Variants in PREP observed in about 807,000 individuals in gnomAD.
PREP encodes the protein prolyl endopeptidase.
Under a neutral mutation model 87.6 loss-of-function variants are expected in PREP, and 29 were observed. The ratio of observed to expected loss-of-function variants is 0.33; its 90% confidence interval spans 0.25 to 0.45. The LOEUF is 0.45. PREP is among the 20% of genes least tolerant of loss of function. The pLI, the probability that PREP is intolerant of heterozygous loss-of-function variation, is 1.00. For synonymous variants in PREP, 337 were observed against 328.6 expected, an observed-to-expected ratio of 1.03 and a Z score of -0.28; for missense variants, 695 against 886.5, an observed-to-expected ratio of 0.78 and a Z score of 2.74.
chr6:105,331,160 A>G (rs575490020), intron 8 of PREP, among the ~76,000 whole-genome samples: 27 of 152,180 alleles, frequency 1.8e-4, no homozygotes, highest in Non-Finnish European at 3.4e-4. Context: ...TTTTATTCTC[A>G]ATAGGGCGCT....
chr6:105,304,320 T>A (rs1770609481), intron 10 of PREP, among the ~76,000 whole-genome samples: 2 of 152,248 alleles, frequency 1.3e-5, no homozygotes, highest in African/African-American at 2.4e-5. Flanking sequence ...GATTTCGGTA[T>A]CCACAGGGTG....
At position 105,278,683 on chromosome 6, in the gene PREP, A is replaced by C. The variant is rs1770003444; in HGVS notation, c.1839-245T>G. ...AGGAAGGAAGCTCACAGGTCTGTTGAAACAACCCAAATCACAGGCATGCTT... is the reference window on the plus strand; with the variant it reads ...AGGAAGGAAGCTCACAGGTCTGTTGCAACAACCCAAATCACAGGCATGCTT... On this transcript the variant is annotated intron_variant, in intron 14 of 14. Transcript: ENST00000652536. This position sits in a 1 kb window ranked among gnomAD's most constrained non-coding sequence, Gnocchi z 4.2. 6.6e-6 allele frequency among the ~76,000 whole-genome samples: 1 copy of C among 151,970 alleles called. No homozygotes were observed.
chr6:105,346,080 T>C (rs1771789099), intron 7 of PREP, among the ~76,000 whole-genome samples: 1 of 152,182 alleles, frequency 6.6e-6, no homozygotes, highest in Non-Finnish European at 1.5e-5. Flanking sequence ...TTCTTTTTCG[T>C]TTTTCTGCAT....
chr6:105,309,923 C>T (rs779384948), intron 10 of PREP, among the ~76,000 whole-genome samples: 22 of 152,160 alleles, frequency 1.4e-4, no homozygotes, highest in Non-Finnish European at 2.6e-4. Context: ...CTCATATGCC[C>T]CATGCAACTT....
intron 8 of PREP, among the ~76,000 whole-genome samples, chr6:105,331,061 A>G (rs1011233472): frequency 4.6e-5 from 7 of 152,354 alleles, no homozygotes; most frequent in African/African-American, 1.7e-4. Context: ...AAACAGACAG[A>G]AGTGAATAAC....
intron 10 of PREP, among the ~76,000 whole-genome samples, chr6:105,300,860 AAAGAG>A (rs1770519429): frequency 6.6e-6 from 1 of 152,254 alleles, no homozygotes; most frequent in Admixed American, 6.5e-5. Flanking sequence ...TTTAAAGAAA[AAAGAG>A]AAGTAAATAT....
At chr6:105,385,565 G>A (rs1772969995) in intron 2 of PREP, among the ~76,000 whole-genome samples, 1 of 152,052 alleles carries the variant, frequency 6.6e-6, no homozygotes, top group African/African-American at 2.4e-5. Flanking sequence ...AACAAAATGG[G>A]GGGAAAAAAC....
intron 4 of PREP, among the ~76,000 whole-genome samples, chr6:105,375,134 T>C (rs1392917772): frequency 6.6e-6 from 1 of 152,166 alleles, no homozygotes. Context: ...GGATCATTGT[T>C]TATATACACA....
chr6:105,399,236 C>T (rs998227016), intron 1 of PREP, among the ~76,000 whole-genome samples: 1 of 152,212 alleles, frequency 6.6e-6, no homozygotes, highest in African/African-American at 2.4e-5. Flanking sequence ...CTACCTCTAT[C>T]TCAGATGAAT....
At chr6:105,379,741 T>TTG (rs917746256) in intron 2 of PREP, among the ~76,000 whole-genome samples, 20 of 152,200 alleles carry the variant, frequency 1.3e-4, no homozygotes, top group Non-Finnish European at 2.5e-4. Context: ...AACACAAATC[T>TTG]TGTGTGTGTG....
chr6:105,307,860 G>T (rs547410957), intron 10 of PREP, among the ~76,000 whole-genome samples: 15 of 152,196 alleles, frequency 9.9e-5, no homozygotes, highest in Non-Finnish European at 1.9e-4. Context: ...TGATCTGCCC[G>T]CCTCAGCCTC....
At position 105,323,331 on chromosome 6, in the gene PREP, C is replaced by G. The variant is rs557845679; in HGVS notation, c.1317+334G>C. Among the ~76,000 whole-genome samples, 11 of 152,176 alleles carry G rather than the reference C, an allele frequency of 7.2e-5. No homozygotes were observed. The South Asian group carries it at 1.5e-3, about 20-fold the overall frequency. ...GCAAATCCCCATGTTATTTACAACA[C>G]CAAAAGACCTGAGCTAGAACACAAA... is the stretch of plus-strand genomic sequence containing the variant. On this transcript the variant is annotated intron_variant, in intron 10 of 14. Coordinates refer to ENST00000652536, the MANE Select transcript of PREP (RefSeq NM_002726.5).
intron 4 of PREP, among the ~76,000 whole-genome samples, chr6:105,374,796 T>A (rs552872167): frequency 1.3e-5 from 2 of 151,854 alleles, no homozygotes; most frequent in East Asian, 3.9e-4. Flanking sequence ...CCTTTTGTGA[T>A]AACTTCCCTA....
chr6:105,369,528 G>A (rs546170996), intron 5 of PREP, among the ~76,000 whole-genome samples: 1 of 152,334 alleles, frequency 6.6e-6, no homozygotes, highest in East Asian at 1.9e-4. Context: ...GAACAAAGTT[G>A]GAGGACTGGC....
chr6:105,332,351 C>T (rs2114657606), intron 8 of PREP, among the ~76,000 whole-genome samples: 1 of 152,218 alleles, frequency 6.6e-6, no homozygotes, highest in South Asian at 2.1e-4. Context: ...AGCATACCAC[C>T]TTGAGCAAGG....
At chr6:105,365,039 G>T (rs1482242351) in intron 6 of PREP, among the ~76,000 whole-genome samples, 1 of 152,306 alleles carries the variant, frequency 6.6e-6, no homozygotes, top group South Asian at 2.1e-4. Context: ...CAGAGGTCAG[G>T]AGTTTGAGAC....
intron 2 of PREP, among the ~76,000 whole-genome samples, chr6:105,379,459 T>G (rs190686394): frequency 6.6e-6 from 1 of 152,186 alleles, no homozygotes; most frequent in Non-Finnish European, 1.5e-5. Context: ...TCACCAAGTG[T>G]GTCCAAAAGC....
intron 10 of PREP, among the ~76,000 whole-genome samples, chr6:105,296,264 G>A (rs959201216): frequency 6.6e-6 from 1 of 152,086 alleles, no homozygotes; most frequent in African/African-American, 2.4e-5. Context: ...GGAGAACAAA[G>A]TATACCTGCT....
intron 10 of PREP, among the ~76,000 whole-genome samples, chr6:105,319,673 A>G (rs946180247): frequency 6.6e-6 from 1 of 152,182 alleles, no homozygotes; most frequent in African/African-American, 2.4e-5. Flanking sequence ...CAGTGGTAAA[A>G]TTGTTCAGGA....
Sources: gnomAD v4.1 joint callset for allele counts (sites outside exome capture counted in the v4.1 genomes callset) on GRCh38, gnomAD v4.1.1 for gene constraint, Gnocchi (gnomAD v3.1) non-coding constraint, MANE v1.5 for transcripts, NCBI Gene and HGNC (gene_info 2026-07-23, HGNC 2026-07-21) for gene names.